Variants in TOX2 observed in about 807,000 individuals in gnomAD.
The protein encoded by TOX2 is TOX high mobility group box family member 2.
In TOX2, 15 loss-of-function variants were observed where a neutral mutation model predicts 47.4. That is an observed-to-expected ratio of 0.32 (90% CI 0.21 to 0.49). TOX2 has a LOEUF of 0.49. Ranked by LOEUF, TOX2 falls within the 20% of genes least tolerant of loss-of-function variation. TOX2 has a pLI of 0.99. For synonymous variants in TOX2, 290 were observed against 296.6 expected (o/e 0.98, Z 0.23); for missense variants, 622 against 673.1 (o/e 0.92, Z 0.84).
intron 7 of TOX2, among the ~76,000 whole-genome samples, 194 bp from the exon 8 acceptor site, chr20:44,066,536 C>T (rs2145803707): frequency 6.6e-6 from 1 of 152,356 alleles, no homozygotes; most frequent in East Asian, 1.9e-4. Context: ...CCAAGTCCTT[C>T]AGCCCCTGAT....
In TOX2 at chr20:44,041,138, C is replaced by T. The variant is rs147706902; in HGVS notation, c.412-10168C>T. 1.2e-3 allele frequency among the ~76,000 whole-genome samples: 190 copies of T among 152,322 alleles called. 4 individuals carry two copies. The Middle Eastern group carries it at 0.044, about 35-fold the overall frequency. Reference sequence around the variant, plus strand: ...GCTGATTCCACAGGGAGCCCTGGAGCGCAGCTTCACTGCACAGCCAGCAGG... The same window carrying T: ...GCTGATTCCACAGGGAGCCCTGGAGTGCAGCTTCACTGCACAGCCAGCAGG... On this transcript the variant is annotated intron_variant, in intron 3 of 8. Coordinates refer to ENST00000341197, the MANE Select transcript of TOX2 (RefSeq NM_001098797.2).
intron 3 of TOX2, among the ~76,000 whole-genome samples, chr20:44,021,727 C>T (rs1196582973): frequency 6.6e-6 from 1 of 152,186 alleles, no homozygotes; most frequent in African/African-American, 2.4e-5. Context: ...CTTCCTGATT[C>T]AAGCAATCCT....
At chr20:44,022,186 G>A (rs1235473077) in intron 3 of TOX2, among the ~76,000 whole-genome samples, 2 of 152,176 alleles carry the variant, frequency 1.3e-5, no homozygotes, top group Non-Finnish European at 2.9e-5. Context: ...CCTGCTGAGA[G>A]GGGGGTCAGC....
intron 2 of TOX2, among the ~76,000 whole-genome samples, chr20:43,979,017 C>T (rs376002276): frequency 1.2e-4 from 18 of 152,026 alleles, no homozygotes; most frequent in African/African-American, 3.1e-4. Flanking sequence ...GAGAGAGAAA[C>T]GGAGGGGTAA....
chr20:44,050,316 T>C (rs2071487821), intron 3 of TOX2, among the ~76,000 whole-genome samples: 1 of 152,164 alleles, frequency 6.6e-6, no homozygotes, highest in Non-Finnish European at 1.5e-5. Flanking sequence ...GCAGAAGTGA[T>C]ACACTTGAGA....
At chr20:44,012,330 A>T (rs1159683652) in intron 3 of TOX2, among the ~76,000 whole-genome samples, 1 of 152,248 alleles carries the variant, frequency 6.6e-6, no homozygotes, top group Non-Finnish European at 1.5e-5. Flanking sequence ...GGACATTCCC[A>T]GACAGGTTCC....
intron 1 of TOX2, among the ~76,000 whole-genome samples, chr20:43,947,510 G>A (rs1471625419): frequency 3.3e-5 from 5 of 152,228 alleles, no homozygotes; most frequent in Admixed American, 6.5e-5. Flanking sequence ...GTGCATCTGC[G>A]TGTGTGATCC....
intron 5 of TOX2, among the ~76,000 whole-genome samples, chr20:44,056,873 A>C (rs1446373363): frequency 6.6e-6 from 1 of 152,164 alleles, no homozygotes; most frequent in Admixed American, 6.5e-5. Context: ...ACATATTTAT[A>C]CATATGTATC....
chr20:43,955,064 G>A (rs564942606), intron 1 of TOX2: 7 of 207,348 alleles, frequency 3.4e-5, no homozygotes, highest in Admixed American at 2.6e-4. Context: ...GAGCTGACGC[G>A]AGGCTCTTTG....
intron 1 of TOX2, among the ~76,000 whole-genome samples, chr20:43,937,526 G>A (rs190664913): frequency 6.6e-6 from 1 of 152,242 alleles, no homozygotes; most frequent in African/African-American, 2.4e-5. Context: ...GGTGTGTGAG[G>A]GAAGTGAGGG....
chr20:43,951,722 T>TTTTTTTTTTTTTTTTTTTTG, intron 1 of TOX2, among the ~76,000 whole-genome samples: 1 of 133,890 alleles, frequency 7.5e-6, no homozygotes, highest in South Asian at 2.7e-4. Flanking sequence ...TTTTTTTTTT[T>TTTTTTTTTTTTTTTTTTTTG]TTTTTTAGAG....
At position 43,991,376 on chromosome 20, in the gene TOX2, T is replaced by C. The variant is rs560196826; in HGVS notation, c.166-15171T>C. Among the ~76,000 whole-genome samples, 20 of 152,356 alleles carry C rather than the reference T, an allele frequency of 1.3e-4. No individual in the cohort carries two copies. In the East Asian group the frequency reaches 3.9e-3, roughly 29 times the overall value. ...GACCATTAGGATGTTCATTCATTCA[T>C]TCACTCCAAAACATATTTACTAAGC... is the stretch of plus-strand genomic sequence containing the variant. On this transcript the variant is annotated intron_variant, in intron 2 of 8. Transcript: ENST00000341197.
At chr20:44,019,438 C>T (rs1260703936) in intron 3 of TOX2, among the ~76,000 whole-genome samples, 2 of 152,264 alleles carry the variant, frequency 1.3e-5, no homozygotes, top group African/African-American at 4.8e-5. Context: ...ATCCTTGGCC[C>T]AGGCCTCTGA....
At position 43,929,735 on chromosome 20, in the gene TOX2, A is replaced by T. The variant is rs369567899; in HGVS notation, c.99+14745A>T. Among the ~76,000 whole-genome samples, 11 of 151,812 alleles carry T rather than the reference A, an allele frequency of 7.2e-5. No homozygotes were observed. The East Asian group carries it at 1.9e-3, about 27-fold the overall frequency. The stretch of plus-strand genomic sequence containing the variant: ...TTGTTTCTTTATTTTTTTGAGATGG[A>T]GTCTCGCTCTGTTGCCCAGGTTGGA... On this transcript the variant is annotated intron_variant, in intron 1 of 8. Coordinates refer to ENST00000341197, the MANE Select transcript of TOX2 (RefSeq NM_001098797.2).
Position 43,915,064 on chromosome 20 carries a change from C to T in TOX2, c.99+74C>T, listed in dbSNP as rs1287028377. Reference sequence around the variant, plus strand: ...TGGCAGCTCGGGACTCAGGCGCTCCCGGGGTCACACGGGGCCGCGCACATC... The same window carrying T: ...TGGCAGCTCGGGACTCAGGCGCTCCTGGGGTCACACGGGGCCGCGCACATC... On this transcript the variant is annotated intron_variant, in intron 1 of 8. Coordinates refer to ENST00000341197, the MANE Select transcript of TOX2 (RefSeq NM_001098797.2). This position sits in a 1 kb window ranked among gnomAD's most constrained non-coding sequence, Gnocchi z 7.1. 1 of 871,052 alleles carries T rather than the reference C, an allele frequency of 1.1e-6. No individual in the cohort carries two copies. Among genetic ancestry groups the T allele is most frequent in the Non-Finnish European group, 1.4e-6 (1 of 689,888 alleles). 54.0% of individuals were successfully genotyped at this position (871,052 alleles called of 1,614,324 possible). A position where few individuals can be genotyped will look rare whatever the true frequency, so the allele number is the denominator to read the frequency against.
chr20:44,064,617 C>T (rs893526273), intron 5 of TOX2, among the ~76,000 whole-genome samples, 160 bp from the exon 6 acceptor site: 14 of 152,178 alleles, frequency 9.2e-5, no homozygotes, highest in Non-Finnish European at 1.6e-4. Flanking sequence ...TTCTCTGCAG[C>T]GCTCCCAGAA....
intron 5 of TOX2, among the ~76,000 whole-genome samples, chr20:44,058,031 G>A (rs1021072647): frequency 6.6e-6 from 1 of 151,958 alleles, no homozygotes; most frequent in Non-Finnish European, 1.5e-5. Context: ...CTCCCACTCG[G>A]ACAGACAGAG....
intron 3 of TOX2, among the ~76,000 whole-genome samples, chr20:44,030,554 C>T (rs1343780142): frequency 6.6e-6 from 1 of 152,220 alleles, no homozygotes; most frequent in Non-Finnish European, 1.5e-5. Flanking sequence ...ATCCTTCACT[C>T]CTGCCAAATC....
chr20:44,004,471 C>A (rs1012820746), intron 2 of TOX2, among the ~76,000 whole-genome samples: 2 of 152,128 alleles, frequency 1.3e-5, no homozygotes, highest in Non-Finnish European at 2.9e-5. Context: ...TGACTGTTTG[C>A]CCATCTATGA....
Sources: gnomAD v4.1 joint callset for allele counts (sites outside exome capture counted in the v4.1 genomes callset) on GRCh38, gnomAD v4.1.1 for gene constraint, Gnocchi (gnomAD v3.1) non-coding constraint, MANE v1.5 for transcripts, NCBI Gene and HGNC (gene_info 2026-07-23, HGNC 2026-07-21) for gene names.